Variants in ADGRA3 observed in about 807,000 individuals in gnomAD.
ADGRA3 encodes adhesion G protein-coupled receptor A3.
In ADGRA3, 56 loss-of-function variants were observed where a neutral mutation model predicts 119.8. The observed-to-expected ratio is 0.47, with a 90% CI of 0.38 to 0.58. The LOEUF (loss-of-function observed/expected upper bound fraction) is 0.58. ADGRA3 is among the 20% of genes least tolerant of loss of function. The pLI is 0.00. For missense variants in ADGRA3, 1,516 were observed against 1,649.0 expected, an observed-to-expected ratio of 0.92 and a Z score of 1.40; for synonymous variants, 607 against 623.8, an observed-to-expected ratio of 0.97 and a Z score of 0.40.
chr4:22,480,583 T>G (rs934238813), intron 1 of ADGRA3, among the ~76,000 whole-genome samples: 8 of 152,254 alleles, frequency 5.3e-5, no homozygotes, highest in African/African-American at 1.9e-4. Context: ...ATATACACTA[T>G]TTCATCCATT....
chr4:22,402,358 AG>A (rs1223492642), intron 15 of ADGRA3, among the ~76,000 whole-genome samples: 1 of 152,150 alleles, frequency 6.6e-6, no homozygotes, highest in Non-Finnish European at 1.5e-5. Flanking sequence ...TCTGCAGGTA[AG>A]AAACTTCCGC....
chr4:22,395,520 G>C (rs748005820), intron 16 of ADGRA3, among the ~76,000 whole-genome samples: 5 of 152,158 alleles, frequency 3.3e-5, no homozygotes, highest in Admixed American at 6.5e-5. Flanking sequence ...TATGAAAACA[G>C]AGACTAAGAC....
chr4:22,507,625 C>A (rs1027995261), intron 1 of ADGRA3, among the ~76,000 whole-genome samples: 7 of 152,192 alleles, frequency 4.6e-5, no homozygotes, highest in African/African-American at 1.7e-4. Flanking sequence ...CCACCAACTT[C>A]TCCTGGTGCT....
At chr4:22,440,809 G>A (rs1438462026) in intron 7 of ADGRA3, among the ~76,000 whole-genome samples, 2 of 152,112 alleles carry the variant, frequency 1.3e-5, no homozygotes, top group Non-Finnish European at 2.9e-5. Flanking sequence ...ACAATGTGAT[G>A]AATTCTGACA....
At chr4:22,402,399 C>T (rs1714703519) in intron 15 of ADGRA3, among the ~76,000 whole-genome samples, 1 of 151,984 alleles carries the variant, frequency 6.6e-6, no homozygotes, top group African/African-American at 2.4e-5. Flanking sequence ...CGCCTGTGAC[C>T]CGCCCCACAG....
chr4:22,402,101 C>T (rs867663670), intron 15 of ADGRA3, among the ~76,000 whole-genome samples: 1 of 152,148 alleles, frequency 6.6e-6, no homozygotes, highest in Non-Finnish European at 1.5e-5. Flanking sequence ...CAGGAAGACA[C>T]ATTCTAGCAA....
chr4:22,421,192 A>G, intron 11 of ADGRA3, 103 bp from the exon 12 acceptor site: 1 of 817,452 alleles, frequency 1.2e-6, no homozygotes, highest in South Asian at 1.9e-5. Flanking sequence ...TAGCCAAACC[A>G]GAAAGCCCAG....
At chr4:22,429,736 C>A (rs1401334618) in intron 10 of ADGRA3, among the ~76,000 whole-genome samples, 3 of 152,142 alleles carry the variant, frequency 2.0e-5, no homozygotes, top group Non-Finnish European at 2.9e-5. Flanking sequence ...TCTTAAAAAC[C>A]TCAAGCTAAA....
chr4:22,500,447 A>C (rs1719013904), intron 1 of ADGRA3, among the ~76,000 whole-genome samples: 2 of 116,208 alleles, frequency 1.7e-5, no homozygotes, highest in African/African-American at 5.7e-5. Context: ...CACGATCAAC[A>C]TTCCAACGTT....
chr4:22,423,907 C>T (rs1171317715), intron 11 of ADGRA3, among the ~76,000 whole-genome samples: 1 of 152,116 alleles, frequency 6.6e-6, no homozygotes, highest in African/African-American at 2.4e-5. Flanking sequence ...AAGTATTTTC[C>T]AGTTCCCAAG....
At chr4:22,444,451 A>C (rs1399346410) in intron 6 of ADGRA3, among the ~76,000 whole-genome samples, 1 of 152,062 alleles carries the variant, frequency 6.6e-6, no homozygotes, top group Admixed American at 6.6e-5. Context: ...ATGCTCAGCT[A>C]ATTTTTGTAT....
At chr4:22,485,473 C>G (rs1440840433) in intron 1 of ADGRA3, among the ~76,000 whole-genome samples, 1 of 151,924 alleles carries the variant, frequency 6.6e-6, no homozygotes, top group Non-Finnish European at 1.5e-5. Flanking sequence ...GCTCTTGGAT[C>G]TGAGACTATG....
intron 2 of ADGRA3, among the ~76,000 whole-genome samples, chr4:22,464,809 C>G (rs1423187608): frequency 6.6e-6 from 1 of 152,210 alleles, no homozygotes; most frequent in African/African-American, 2.4e-5. Flanking sequence ...CCCAGCAGTC[C>G]CCAGTATCAG....
chr4:22,465,380 T>C (rs1348246130), intron 2 of ADGRA3, among the ~76,000 whole-genome samples: 3 of 152,126 alleles, frequency 2.0e-5, no homozygotes, highest in Admixed American at 6.6e-5. Context: ...TAACTAAACC[T>C]AGGACTTGTG....
chr4:22,509,572 C>T (rs1719367116), intron 1 of ADGRA3, among the ~76,000 whole-genome samples: 1 of 151,916 alleles, frequency 6.6e-6, no homozygotes, highest in Non-Finnish European at 1.5e-5. Context: ...AGCACCTTCC[C>T]CCGTAGGTAG....
At chr4:22,418,476 G>A (rs988427221) in intron 12 of ADGRA3, among the ~76,000 whole-genome samples, 8 of 152,166 alleles carry the variant, frequency 5.3e-5, no homozygotes, top group African/African-American at 1.9e-4. Flanking sequence ...GGGAGGGGAG[G>A]AGTAGGGATT....
chr4:22,404,575 C>T (rs1714813921), intron 14 of ADGRA3, among the ~76,000 whole-genome samples: 2 of 152,120 alleles, frequency 1.3e-5, no homozygotes, highest in Non-Finnish European at 2.9e-5. Flanking sequence ...GAGTGCCGGC[C>T]ATGGTCAGGC....
intron 1 of ADGRA3, among the ~76,000 whole-genome samples, chr4:22,494,235 G>A (rs1718731597): frequency 6.6e-6 from 1 of 151,358 alleles, no homozygotes; most frequent in African/African-American, 2.4e-5. Context: ...AGTAACCTTT[G>A]GTAGTCCTCA....
chr4:22,444,292 A>AT (rs879771750), intron 6 of ADGRA3, among the ~76,000 whole-genome samples: 126 of 149,928 alleles, frequency 8.4e-4, no homozygotes, highest in Non-Finnish European at 1.0e-3. Flanking sequence ...TGTATCAGTT[A>AT]TTTTTTTTTT....
Sources: gnomAD v4.1 joint callset for allele counts (sites outside exome capture counted in the v4.1 genomes callset) on GRCh38, gnomAD v4.1.1 for gene constraint, MANE v1.5 for transcripts, NCBI Gene and HGNC (gene_info 2026-07-23, HGNC 2026-07-21) for gene names.